The following C17orf67 variants were observed in gnomAD, a reference collection of about 807,000 sequenced individuals.
The protein encoded by C17orf67 is uncharacterized protein C17orf67.
In C17orf67, 12 loss-of-function variants were observed where a neutral mutation model predicts 11.2. The ratio of observed to expected loss-of-function variants is 1.07; its 90% CI spans 0.68 to 1.73. The LOEUF is 1.73. C17orf67 is among the 40% of genes most tolerant of loss of function. C17orf67 has a pLI of 0.00. For missense variants in C17orf67, 115 were observed against 113.5 expected, an observed-to-expected ratio of 1.01 and a Z score of -0.06; for synonymous variants, 59 against 46.9, an observed-to-expected ratio of 1.26 and a Z score of -1.05.
chr17:56,808,706 C>T (rs988126632), intron 6 of C17orf67, among the ~76,000 whole-genome samples: 8 of 152,294 alleles, frequency 5.3e-5, no homozygotes, highest in Non-Finnish European at 1.0e-4. Context: ...AACAGTCTAG[C>T]CCTTTGTGTG....
chr17:56,812,118 T>C (rs1905643641), intron 6 of C17orf67, among the ~76,000 whole-genome samples: 2 of 152,254 alleles, frequency 1.3e-5, no homozygotes, highest in Admixed American at 1.3e-4. Context: ...AACTATTTGT[T>C]AATTCAACCA....
chr17:56,793,511 C>A (rs1020722463), intron 7 of C17orf67, among the ~76,000 whole-genome samples: 1 of 152,228 alleles, frequency 6.6e-6, no homozygotes, highest in Non-Finnish European at 1.5e-5. Context: ...CCAGAAACCT[C>A]TCCTTTAACT....
chr17:56,830,920 G>C (rs1378112613), intron 2 of C17orf67, among the ~76,000 whole-genome samples: 1 of 152,180 alleles, frequency 6.6e-6, no homozygotes, highest in Non-Finnish European at 1.5e-5. Context: ...AGGAAAAGGG[G>C]GTAGAACTGA....
Position 56,832,935 on chromosome 17 carries a change from G to A in C17orf67, c.-594C>T, listed in dbSNP as rs1046658322. ...ATCTATATGTGTATTCTTAATGAAT[G>A]TTATGTCTTCTCTAATCGTTTGGAA... is the stretch of plus-strand genomic sequence containing the variant. On this transcript the variant is annotated 5_prime_UTR_variant, in exon 2 of 8. Transcript: ENST00000397861. The A allele has an allele frequency of 6.6e-6, 1 of 152,210 alleles. No homozygotes were observed. Among genetic ancestry groups the A allele is most frequent in the African/African-American group, 2.4e-5 (1 of 41,440 alleles). 9.4% of individuals were successfully genotyped at this position (152,210 alleles called of 1,614,324 possible).
chr17:56,830,902 A>C (rs532334127), intron 2 of C17orf67, among the ~76,000 whole-genome samples: 18 of 152,342 alleles, frequency 1.2e-4, no homozygotes, highest in African/African-American at 4.1e-4. Flanking sequence ...CATAGGGAAG[A>C]ACTTTGTAGG....
intron 2 of C17orf67, among the ~76,000 whole-genome samples, 185 bp from the exon 3 acceptor site, chr17:56,825,506 G>T (rs1281396823): frequency 2.0e-5 from 3 of 152,174 alleles, no homozygotes; most frequent in African/African-American, 7.2e-5. Flanking sequence ...TTAGCAAAGA[G>T]AGACTACTAT....
chr17:56,795,816 A>C (rs767157347), intron 6 of C17orf67, among the ~76,000 whole-genome samples: 4 of 152,254 alleles, frequency 2.6e-5, no homozygotes, highest in Non-Finnish European at 4.4e-5. Flanking sequence ...ACTATTATAC[A>C]GCAGAGAACA....
chr17:56,831,383 G>A (rs972198804), intron 2 of C17orf67, among the ~76,000 whole-genome samples: 2 of 152,338 alleles, frequency 1.3e-5, no homozygotes, highest in Admixed American at 6.5e-5. Flanking sequence ...GGATGGCAAA[G>A]GACGGGCATC....
chr17:56,821,840 T>C (rs934482464), intron 4 of C17orf67, among the ~76,000 whole-genome samples: 2 of 152,204 alleles, frequency 1.3e-5, no homozygotes, highest in Non-Finnish European at 2.9e-5. Context: ...GATGACTTGT[T>C]TTGGGCAGTG....
chr17:56,819,700 G>C (rs1391678013), intron 4 of C17orf67, among the ~76,000 whole-genome samples: 1 of 152,166 alleles, frequency 6.6e-6, no homozygotes, highest in African/African-American at 2.4e-5. Context: ...AAGACCGAAA[G>C]AGCAAAGTGT....
At chr17:56,815,412 T>G (rs1344370775) in intron 5 of C17orf67, among the ~76,000 whole-genome samples, 1 of 152,184 alleles carries the variant, frequency 6.6e-6, no homozygotes, top group East Asian at 1.9e-4. Flanking sequence ...AGTATAAAAG[T>G]GCTTTGATAA....
At position 56,825,191 on chromosome 17, in the gene C17orf67, T is replaced by C. The variant is rs756628187; in HGVS notation, c.-426A>G. 6.6e-6 allele frequency: 1 copy of C among 152,200 alleles called. No individual in the cohort carries two copies. The highest frequency in any genetic ancestry group is 1.5e-5 in the Non-Finnish European group (1 of 68,038). 9.4% of individuals were successfully genotyped at this position (152,200 alleles called of 1,614,324 possible). ...TTTAAAATGATGCTGATGCAGGTGA[T>C]TCAAAATCCACACTCTGCGGTACCC... On this transcript the variant is annotated 5_prime_UTR_variant, in exon 3 of 8. Coordinates refer to ENST00000397861, the MANE Select transcript of C17orf67 (RefSeq NM_001085430.4).
At chr17:56,814,722 A>C (rs1210956223) in intron 6 of C17orf67, 147 bp downstream of exon 6, 1 of 768,976 alleles carries the variant, frequency 1.3e-6, no homozygotes, top group Non-Finnish European at 2.2e-6. Context: ...ATGCATAGGT[A>C]AAAGATTGAG....
chr17:56,823,861 T>C (rs148940213), intron 4 of C17orf67, among the ~76,000 whole-genome samples: 21 of 152,056 alleles, frequency 1.4e-4, no homozygotes, highest in Non-Finnish European at 2.6e-4. Context: ...ATCCAGACAA[T>C]GGAATATTAT....
intron 2 of C17orf67, among the ~76,000 whole-genome samples, chr17:56,825,649 G>A (rs1007227304): frequency 1.3e-5 from 2 of 152,080 alleles, no homozygotes; most frequent in African/African-American, 2.4e-5. Context: ...CAAAAGTAAG[G>A]TTATACACAC....
chr17:56,826,760 A>G (rs7217601), intron 2 of C17orf67, among the ~76,000 whole-genome samples: 101,102 of 152,170 alleles, frequency 0.66, 33,855 homozygotes, highest in East Asian at 0.89. Flanking sequence ...AAGCTGACTT[A>G]GTTGACCAAG....
chr17:56,792,630 TGTGGTG>T (rs1330241786), intron 7 of C17orf67, among the ~76,000 whole-genome samples: 2 of 125,818 alleles, frequency 1.6e-5, no homozygotes, highest in African/African-American at 5.7e-5. Context: ...ATAATGGTGA[TGTGGTG>T]GTGGTGGTGA....
chr17:56,814,374 T>C (rs1905703192), intron 6 of C17orf67, among the ~76,000 whole-genome samples: 1 of 152,140 alleles, frequency 6.6e-6, no homozygotes, highest in African/African-American at 2.4e-5. Flanking sequence ...GACAGGTGGA[T>C]ATCATGACCC....
At position 56,795,103 on chromosome 17, in the gene C17orf67, G is replaced by A; in HGVS notation, c.234C>T (p.Cys78=). ...QFLEHWLNPH[C]KPHCDRNRIH... is the part of the protein sequence containing the mutation. ...TCCTGTTCCTGTCACAGTGGGGTTT[G>A]CAGTGAGGGTTCAGCCAGTGCTCCA... Residue 78 remains cysteine, a synonymous_variant, in exon 7 of 8, where the codon TGC becomes TGT. Transcript: ENST00000397861. The A allele has an allele frequency of 1.9e-6, 3 of 1,614,122 alleles. No homozygotes were observed. Among genetic ancestry groups the A allele is most frequent in the African/African-American group, 2.7e-5 (2 of 75,056 alleles).
Sources: allele counts gnomAD v4.1 joint callset (sites outside exome capture counted in the v4.1 genomes callset), GRCh38; gene constraint gnomAD v4.1.1; transcripts MANE v1.5; gene names NCBI Gene and HGNC (gene_info 2026-07-23, HGNC 2026-07-21).